The following UMODL1 variants were observed in gnomAD, a reference collection of about 807,000 sequenced individuals.
The protein encoded by UMODL1 is uromodulin like 1, also known as uromodulin-like 1.
UMODL1 carries 128 observed loss-of-function variants against 136.3 expected under a neutral mutation model. That is an observed-to-expected ratio of 0.94 (90% CI 0.81 to 1.09). The LOEUF (loss-of-function observed/expected upper bound fraction) is 1.09. Ranked by LOEUF, UMODL1 falls within the 50% of genes least tolerant of loss-of-function variation. The probability of loss-of-function intolerance (pLI) is 0.00; values close to 1 mark genes in which losing one functional copy is unlikely to be tolerated. For missense variants in UMODL1, 1,766 were observed against 1,725.6 expected (o/e 1.02, Z -0.41); for synonymous variants, 721 against 720.0 (o/e 1.00, Z -0.02).
intron 21 of UMODL1, among the ~76,000 whole-genome samples, chr21:42,130,256 G>A (rs1301159613): frequency 3.3e-5 from 5 of 151,936 alleles, no homozygotes; most frequent in Middle Eastern, 3.4e-3. Context: ...GCGTGCACAC[G>A]AATGTGCATG....
At chr21:42,126,616 G>A (rs1395398683) in intron 18 of UMODL1, 126 bp downstream of exon 18, 2 of 1,424,352 alleles carry the variant, frequency 1.4e-6, no homozygotes, top group African/African-American at 2.8e-5. Context: ...AATGGGTGTG[G>A]CCTGGCTGCT....
intron 17 of UMODL1, among the ~76,000 whole-genome samples, chr21:42,124,494 G>A (rs1234120397): frequency 1.3e-5 from 2 of 152,224 alleles, no homozygotes; most frequent in Non-Finnish European, 2.9e-5. Context: ...AGGGAGGCTG[G>A]AAACCATGGC....
At position 42,083,730 on chromosome 21, in the gene UMODL1, T is replaced by TTGAA. The variant is rs745881929; in HGVS notation, c.320-330_320-327dup. On this transcript the variant is annotated intron_variant, in intron 2 of 22. Transcript: ENST00000408910. ...GCACATAGCAGGTGCTCAACAAATA[T>TTGAA]TGAATGAATGAATGAATGAATGAAT... Among the ~76,000 whole-genome samples the TTGAA allele has an allele frequency of 3.3e-3, 498 of 152,274 alleles. 6 individuals carry two copies. The highest frequency in any genetic ancestry group is 0.016 in the East Asian group (81 of 5,180).
chr21:42,121,316 G>A, intron 16 of UMODL1, 92 bp downstream of exon 16: 1 of 1,479,808 alleles, frequency 6.8e-7, no homozygotes. Flanking sequence ...TTGTCCCTCT[G>A]AGGTCATATT....
At chr21:42,071,298 C>G, upstream of UMODL1, 1 of 1,552,372 alleles carries the variant, frequency 6.4e-7, no homozygotes, top group Non-Finnish European at 8.7e-7. Flanking sequence ...GAGCCCTGTA[C>G]TGCCACCACT....
At chr21:42,126,137 T>A (rs1214427951) in intron 17 of UMODL1, among the ~76,000 whole-genome samples, 1 of 152,182 alleles carries the variant, frequency 6.6e-6, no homozygotes, top group South Asian at 2.1e-4. Context: ...AGGTGCTGCC[T>A]CCTCTGGTCA....
At chr21:42,109,299 G>C (rs2066780841) in intron 9 of UMODL1, among the ~76,000 whole-genome samples, 1 of 152,182 alleles carries the variant, frequency 6.6e-6, no homozygotes, top group African/African-American at 2.4e-5. Context: ...AGAAGAGAGG[G>C]CTACATGCAC....
intron 22 of UMODL1, among the ~76,000 whole-genome samples, chr21:42,141,610 T>C (rs2067282747): frequency 6.6e-6 from 1 of 152,208 alleles, no homozygotes; most frequent in Admixed American, 6.5e-5. Context: ...CTCTTGTCTT[T>C]CTTTGTTCTC....
intron 17 of UMODL1, 142 bp from the exon 18 acceptor site, chr21:42,126,203 G>C: frequency 1.6e-6 from 2 of 1,277,482 alleles, no homozygotes; most frequent in Non-Finnish European, 2.1e-6. Context: ...ATGGTTGGGA[G>C]AATCGCCAGG....
Position 42,088,498 on chromosome 21 carries a change from C to A in UMODL1, c.790+18C>A. ...GGTGCAAGGTTGGGCTTCCCTCAAT[C>A]CTCCCTCTGGGGAGGCTGCAGGGTG... On this transcript the variant is annotated intron_variant, in intron 5 of 22. Transcript: ENST00000408910. The A allele has an allele frequency of 6.3e-7, 1 of 1,584,200 alleles. No individual in the cohort carries two copies. Among genetic ancestry groups the A allele is most frequent in the East Asian group, 2.3e-5 (1 of 44,094 alleles).
Position 42,110,952 on chromosome 21 carries a change from G to T in UMODL1, c.1730G>T (p.Gly577Val). ...GTAACGGTCCCAGGTCTTGGCACGG[G>T]AACAGCAGCCCTCGGCCTAGAGAAC... ...TGVTVPGLGT[G>V]TAALGLENFT... The change falls in exon 11 of 23, where the codon GGA (glycine) becomes GTA (valine). Residue 577 changes from glycine (G) to valine (V), a missense_variant. By Grantham distance (109) the Gly-to-Val change is moderately radical (BLOSUM62 -3). Coordinates refer to ENST00000408910, the MANE Select transcript of UMODL1 (RefSeq NM_001004416.3). 6.2e-7 allele frequency: 1 copy of T among 1,613,186 alleles called. No homozygotes were observed. Among genetic ancestry groups the T allele is most frequent in the Non-Finnish European group, 8.5e-7 (1 of 1,179,838 alleles).
At chr21:42,072,813 A>C (rs1014817148) in intron 1 of UMODL1, among the ~76,000 whole-genome samples, 1 of 152,200 alleles carries the variant, frequency 6.6e-6, no homozygotes, top group Non-Finnish European at 1.5e-5. Context: ...AGGCTTTCCC[A>C]TCTCTGAGAC....
chr21:42,109,576 G>A lies in UMODL1; in HGVS notation c.1534G>A (p.Val512Met), dbSNP rs2066785730. The A allele has an allele frequency of 2.5e-6, 4 of 1,611,652 alleles. No individual in the cohort carries two copies. The East Asian group carries it at 8.9e-5, about 36-fold the overall frequency. Residue 512 changes from valine (V) to methionine (M), a missense_variant, in exon 10 of 23, where the codon GTG becomes ATG. Coordinates refer to ENST00000408910, the MANE Select transcript of UMODL1 (RefSeq NM_001004416.3). ...CCCCCTGGCAGACTGGGACGAGTGTGTGGACAGCGCGGAACACGACTGCTC... is the reference window on the plus strand; with the variant it reads ...CCCCCTGGCAGACTGGGACGAGTGTATGGACAGCGCGGAACACGACTGCTC... ...GTRVQDWDEC[V>M]DSAEHDCSPA...
intron 10 of UMODL1, among the ~76,000 whole-genome samples, chr21:42,110,443 C>T (rs1428725543): frequency 5.3e-5 from 8 of 152,340 alleles, no homozygotes; most frequent in African/African-American, 1.9e-4. Context: ...CATCCCACAC[C>T]TTGTCTTCTG....
At chr21:42,088,131 A>T (rs564674391) in intron 4 of UMODL1, among the ~76,000 whole-genome samples, 163 bp from the exon 5 acceptor site, 1 of 152,296 alleles carries the variant, frequency 6.6e-6, no homozygotes, top group Non-Finnish European at 1.5e-5. Flanking sequence ...TAGGACTTCT[A>T]TTGGGATAGT....
rs866567866 is a variant in UMODL1 at position 42,122,698 on chromosome 21, G to T, written c.2828-133G>T. On this transcript the variant is annotated intron_variant, in intron 16 of 22. Transcript: ENST00000408910. This position sits in a 1 kb window ranked among gnomAD's most constrained non-coding sequence, Gnocchi z 4.3. ...GTGTGTGTGCACGTGTGTAGTTGTG[G>T]CTGGAACATGCGGTTCCCAGGTGTG... The T allele has an allele frequency of 1.2e-5, 10 of 807,484 alleles. No homozygotes were observed. Among genetic ancestry groups the T allele is most frequent in the African/African-American group, 1.0e-4 (6 of 57,688 alleles). The allele number at this position is 807,484 out of a possible 1,614,324, so 50.0% of individuals were successfully genotyped here.
intron 22 of UMODL1, among the ~76,000 whole-genome samples, chr21:42,140,566 C>G (rs1055803758): frequency 2.6e-5 from 4 of 152,196 alleles, no homozygotes; most frequent in African/African-American, 9.7e-5. Context: ...GACTGATGGA[C>G]CCTTAGAACA....
chr21:42,142,139 G>A lies in UMODL1; in HGVS notation c.*65G>A, dbSNP rs2067290386. ...GCCTCCAGAACCTCAGAGCTTCCCT[G>A]GTGGGCTCCCCCGGGATCCCCAGTG... On this transcript the variant is annotated 3_prime_UTR_variant, in exon 23 of 23. Coordinates refer to ENST00000408910, the MANE Select transcript of UMODL1 (RefSeq NM_001004416.3). 1 of 152,280 alleles carries A rather than the reference G, an allele frequency of 6.6e-6. No individual in the cohort carries two copies. The highest frequency in any genetic ancestry group is 2.1e-4 in the South Asian group (1 of 4,830). The allele number at this position is 152,280 out of a possible 1,614,324, so 9.4% of individuals were successfully genotyped here. A position where few individuals can be genotyped will look rare whatever the true frequency, so the allele number is the denominator to read the frequency against.
At chr21:42,112,757 T>G (rs192287199) in intron 12 of UMODL1, among the ~76,000 whole-genome samples, 2 of 152,056 alleles carry the variant, frequency 1.3e-5, no homozygotes, top group Non-Finnish European at 1.5e-5. Flanking sequence ...ATGCTCTGGA[T>G]TGTCAGCTGT....
Sources: gnomAD v4.1 joint callset for allele counts (sites outside exome capture counted in the v4.1 genomes callset) on GRCh38, gnomAD v4.1.1 for gene constraint, Gnocchi (gnomAD v3.1) non-coding constraint, MANE v1.5 for transcripts, NCBI Gene and HGNC (gene_info 2026-07-23, HGNC 2026-07-21) for gene names.